Variants in OR1B1 observed in about 807,000 individuals in gnomAD.
The protein encoded by OR1B1 is olfactory receptor 1B1.
For synonymous variants in OR1B1, 168 were observed against 156.2 expected (o/e 1.08, Z -0.57); for missense variants, 414 against 402.1 (o/e 1.03, Z -0.25).
chr9:122,652,700 T>C, the OR1B1 span, among the ~76,000 whole-genome samples: 2 of 150,982 alleles, frequency 1.3e-5, no homozygotes, highest in African/African-American at 4.9e-5. Context: ...TTTGTTGTTG[T>C]TTTTTTTTCA....
At chr9:122,635,223 A>G in the OR1B1 span, among the ~76,000 whole-genome samples, 2 of 152,214 alleles carry the variant, frequency 1.3e-5, no homozygotes, top group African/African-American at 4.8e-5. Context: ...TGATAACATA[A>G]ATGAACCTGG....
chr9:122,639,363 T>C, the OR1B1 span, among the ~76,000 whole-genome samples: 1 of 152,188 alleles, frequency 6.6e-6, no homozygotes, highest in African/African-American at 2.4e-5. Flanking sequence ...TCATATTACT[T>C]CACTGATATT....
the OR1B1 span, among the ~76,000 whole-genome samples, chr9:122,651,512 TTTA>T: frequency 3.9e-3 from 598 of 152,302 alleles, 4 homozygotes; most frequent in African/African-American, 0.014. Context: ...TGTTCTACTT[TTTA>T]TTTCTATGAC....
At chr9:122,629,246 G>A in exon 1 of OR1B1, 2 of 1,614,128 alleles carry the variant, frequency 1.2e-6, no homozygotes, top group South Asian at 1.1e-5. Flanking sequence ...CAAGCAGCGG[G>A]CAGCAGGAAT....
chr9:122,638,157 T>G, the OR1B1 span, among the ~76,000 whole-genome samples: 1 of 152,190 alleles, frequency 6.6e-6, no homozygotes, highest in East Asian at 1.9e-4. Context: ...ATAGTGAAAT[T>G]CTAGAAATAT....
the OR1B1 span, chr9:122,636,997 C>T: frequency 6.6e-6 from 1 of 152,282 alleles, no homozygotes; most frequent in Non-Finnish European, 1.5e-5. Context: ...ACTTTTTTCA[C>T]ACGACTGCTT....
the OR1B1 span, among the ~76,000 whole-genome samples, chr9:122,636,555 G>T: frequency 1.3e-5 from 2 of 152,166 alleles, no homozygotes; most frequent in African/African-American, 4.8e-5. Flanking sequence ...GGCAGAGGTT[G>T]CAGTGATCCA....
chr9:122,632,579 C>CTTGAACTTTCAAGTTCTTGAAA (rs1564220495), upstream of OR1B1, among the ~76,000 whole-genome samples: 2 of 151,944 alleles, frequency 1.3e-5, no homozygotes, highest in African/African-American at 2.4e-5. Context: ...CCCCTTCCAC[C>CTTGAACTTTCAAGTTCTTGAAA]GCTTCCCCCA....
chr9:122,654,499 C>A, the OR1B1 span, among the ~76,000 whole-genome samples: 1 of 152,182 alleles, frequency 6.6e-6, no homozygotes, highest in African/African-American at 2.4e-5. Context: ...TTTTGTTTTT[C>A]ATTTCAATGA....
the OR1B1 span, among the ~76,000 whole-genome samples, chr9:122,636,029 C>G: frequency 6.6e-6 from 1 of 152,144 alleles, no homozygotes; most frequent in Non-Finnish European, 1.5e-5. Flanking sequence ...TTTACGGATA[C>G]TGTTTTCTCT....
chr9:122,641,139 C>T, the OR1B1 span, among the ~76,000 whole-genome samples: 1 of 152,080 alleles, frequency 6.6e-6, no homozygotes, highest in Non-Finnish European at 1.5e-5. Context: ...GGGTATAGTG[C>T]ATCAAAGCAC....
chr9:122,656,214 T>G, the OR1B1 span, among the ~76,000 whole-genome samples: 1 of 152,164 alleles, frequency 6.6e-6, no homozygotes, highest in African/African-American at 2.4e-5. Flanking sequence ...TTCAAAAAAT[T>G]TATTAATCCA....
the OR1B1 span, among the ~76,000 whole-genome samples, chr9:122,640,970 T>C: frequency 2.0e-5 from 3 of 152,160 alleles, no homozygotes; most frequent in Non-Finnish European, 4.4e-5. Flanking sequence ...GAAAGAAGAA[T>C]AAATATTAGA....
At chr9:122,628,510 A>C, downstream of OR1B1, 1 of 1,107,082 alleles carries the variant, frequency 9.0e-7, no homozygotes, top group East Asian at 2.4e-5. Context: ...TGATCTCCCC[A>C]AAACCAACTC....
chr9:122,629,580 A>C, upstream of OR1B1: 1 of 1,216,364 alleles, frequency 8.2e-7, no homozygotes, highest in Non-Finnish European at 1.2e-6. Context: ...GTCAAAAAGA[A>C]AGTCATGGGT....
At chr9:122,657,505 G>A in the OR1B1 span, among the ~76,000 whole-genome samples, 2 of 152,150 alleles carry the variant, frequency 1.3e-5, no homozygotes, top group Non-Finnish European at 2.9e-5. Context: ...TTTTAGAACA[G>A]ATTACAGAAA....
chr9:122,636,304 G>A, the OR1B1 span, among the ~76,000 whole-genome samples: 1 of 152,154 alleles, frequency 6.6e-6, no homozygotes, highest in Admixed American at 6.5e-5. Flanking sequence ...ATACACACAT[G>A]CATGCACGCA....
At chr9:122,641,131 G>A in the OR1B1 span, among the ~76,000 whole-genome samples, 2 of 152,126 alleles carry the variant, frequency 1.3e-5, no homozygotes, top group Non-Finnish European at 2.9e-5. Flanking sequence ...TCATAACAGG[G>A]TATAGTGCAT....
chr9:122,634,328 T>A (rs1361110011), upstream of OR1B1, among the ~76,000 whole-genome samples: 3 of 123,408 alleles, frequency 2.4e-5, no homozygotes, highest in Non-Finnish European at 3.3e-5. Context: ...AAGAGCGAAC[T>A]CCATCTCAAA....
Sources: gnomAD v4.1 joint callset for allele counts (sites outside exome capture counted in the v4.1 genomes callset) on GRCh38, gnomAD v4.1.1 for gene constraint, MANE v1.5 for transcripts, NCBI Gene and HGNC (gene_info 2026-07-23, HGNC 2026-07-21) for gene names.